Variants in C1orf21 observed in about 807,000 individuals in gnomAD.
C1orf21 encodes uncharacterized protein C1orf21.
A neutral mutation model predicts 18.7 loss-of-function variants in C1orf21; 3 were observed. The ratio of observed to expected loss-of-function variants is 0.16; its 90% CI spans 0.07 to 0.42. The LOEUF (loss-of-function observed/expected upper bound fraction) is 0.42, where lower values mean the gene tolerates loss of function less well. Among genes scored for constraint, C1orf21 ranks in the 10% least tolerant of loss-of-function variants. The probability of loss-of-function intolerance (pLI) is 0.99; values close to 1 mark genes in which losing one functional copy is unlikely to be tolerated. For synonymous variants in C1orf21, 41 were observed against 46.4 expected (o/e 0.88, Z 0.47); for missense variants, 104 against 143.6 (o/e 0.72, Z 1.41).
intron 5 of C1orf21, among the ~76,000 whole-genome samples, chr1:184,607,000 G>A (rs1659655425): frequency 6.6e-6 from 1 of 152,166 alleles, no homozygotes; most frequent in Non-Finnish European, 1.5e-5. Context: ...TTATTCTGAA[G>A]TATTATGTTA....
intron 3 of C1orf21, among the ~76,000 whole-genome samples, chr1:184,530,928 A>G (rs1658453795): frequency 6.6e-6 from 1 of 152,000 alleles, no homozygotes; most frequent in African/African-American, 2.4e-5. Flanking sequence ...GCAGGCAGAA[A>G]CATTTTGGGA....
intron 3 of C1orf21, among the ~76,000 whole-genome samples, chr1:184,528,018 T>A (rs1658403640): frequency 6.6e-6 from 1 of 152,226 alleles, no homozygotes; most frequent in Non-Finnish European, 1.5e-5. Context: ...GTTTTGATGA[T>A]TAAACAAGTT....
At chr1:184,470,973 T>C (rs1657487838) in intron 1 of C1orf21, among the ~76,000 whole-genome samples, 1 of 151,974 alleles carries the variant, frequency 6.6e-6, no homozygotes. Flanking sequence ...GCAGCATAAG[T>C]CTTCTGCATG....
chr1:184,578,426 A>G (rs1659225700), intron 3 of C1orf21, among the ~76,000 whole-genome samples: 1 of 152,234 alleles, frequency 6.6e-6, no homozygotes, highest in African/African-American at 2.4e-5. Flanking sequence ...TGGAGAAAAC[A>G]AGGTAGGGTT....
At chr1:184,462,157 A>T (rs564427980) in intron 1 of C1orf21, among the ~76,000 whole-genome samples, 1 of 152,324 alleles carries the variant, frequency 6.6e-6, no homozygotes, top group Non-Finnish European at 1.5e-5. Flanking sequence ...TGTCTTCCTC[A>T]TTCGATGGAC....
chr1:184,587,443 G>A (rs992769346), intron 3 of C1orf21, among the ~76,000 whole-genome samples: 10 of 151,028 alleles, frequency 6.6e-5, no homozygotes, highest in Admixed American at 5.9e-4. Context: ...TTCCACTTGC[G>A]TCATCTCTCA....
intron 3 of C1orf21, among the ~76,000 whole-genome samples, chr1:184,519,089 G>A (rs1385367530): frequency 6.6e-6 from 1 of 152,150 alleles, no homozygotes; most frequent in Non-Finnish European, 1.5e-5. Context: ...TGGCCAGTTT[G>A]CAGTATTTGT....
At position 184,410,652 on chromosome 1, in the gene C1orf21, TATATATATA is replaced by T. The variant is rs1332972644; in HGVS notation, c.-125+23285_-125+23293del. ...ATATATATATATATATATATATATATATATATATATATTTTTTTTTTTTTTTTTTGAGAT... is the reference window on the plus strand; with the variant it reads ...ATATATATATATATATATATATATATTATTTTTTTTTTTTTTTTTTGAGAT... On this transcript the variant is annotated intron_variant, in intron 1 of 5. Coordinates refer to ENST00000235307, the MANE Select transcript of C1orf21 (RefSeq NM_030806.4). Among the ~76,000 whole-genome samples the T allele has an allele frequency of 5.3e-3, 38 of 7,140 alleles. 8 individuals carry two copies. Among genetic ancestry groups the T allele is most frequent in the South Asian group, 0.02 (4 of 204 alleles). 4.7% of individuals were successfully genotyped at this position (7,140 alleles called of 152,430 possible).
At chr1:184,539,318 C>T (rs773596155) in intron 3 of C1orf21, among the ~76,000 whole-genome samples, 2 of 151,972 alleles carry the variant, frequency 1.3e-5, no homozygotes, top group African/African-American at 2.4e-5. Context: ...TATGTTGAAC[C>T]ATCTTGGCAT....
At chr1:184,590,084 A>T (rs1659414422) in intron 3 of C1orf21, among the ~76,000 whole-genome samples, 1 of 152,258 alleles carries the variant, frequency 6.6e-6, no homozygotes, top group South Asian at 2.1e-4. Context: ...AATGCAGAGC[A>T]GTAGTATTAT....
chr1:184,404,974 T>G (rs1394503080), intron 1 of C1orf21, among the ~76,000 whole-genome samples: 1 of 152,188 alleles, frequency 6.6e-6, no homozygotes, highest in Non-Finnish European at 1.5e-5. Flanking sequence ...CATTAAAACC[T>G]TTCTTGGCTA....
At chr1:184,470,113 CATCT>C (rs1277309795) in intron 1 of C1orf21, among the ~76,000 whole-genome samples, 1 of 151,998 alleles carries the variant, frequency 6.6e-6, no homozygotes, top group Non-Finnish European at 1.5e-5. Context: ...TCTCCCTTTC[CATCT>C]GTTTTCTCTC....
intron 3 of C1orf21, among the ~76,000 whole-genome samples, chr1:184,569,218 CT>C (rs1659076345): frequency 6.6e-6 from 1 of 152,216 alleles, no homozygotes; most frequent in South Asian, 2.1e-4. Flanking sequence ...TCTGCAGTTC[CT>C]TTTCATAGTC....
chr1:184,393,499 G>A (rs1482769316), intron 1 of C1orf21, among the ~76,000 whole-genome samples: 1 of 152,204 alleles, frequency 6.6e-6, no homozygotes, highest in Non-Finnish European at 1.5e-5. Flanking sequence ...TAGAAAAGTG[G>A]AATTAGAGCA....
rs998962057 is a variant in C1orf21 at position 184,627,094 on chromosome 1, T to G, written c.*7538T>G. ...AGATTTTTAAAAAGCACAGACAAAT[T>G]GTATGCAAGTGGAAAATACCCATAG... is the stretch of plus-strand genomic sequence containing the variant. On this transcript the variant is annotated 3_prime_UTR_variant, in exon 6 of 6. Transcript: ENST00000235307. 1 of 152,256 alleles carries G rather than the reference T, an allele frequency of 6.6e-6. No individual in the cohort carries two copies. The highest frequency in any genetic ancestry group is 1.5e-5 in the Non-Finnish European group (1 of 67,994). 9.4% of individuals were successfully genotyped at this position (152,256 alleles called of 1,614,324 possible).
At chr1:184,415,755 A>C (rs1656439640) in intron 1 of C1orf21, among the ~76,000 whole-genome samples, 1 of 152,192 alleles carries the variant, frequency 6.6e-6, no homozygotes, top group African/African-American at 2.4e-5. Context: ...TATTAGGCCT[A>C]CTTATGGCAA....
chr1:184,453,041 T>A (rs1657145297), intron 1 of C1orf21, among the ~76,000 whole-genome samples: 1 of 152,094 alleles, frequency 6.6e-6, no homozygotes. Context: ...GACATTTCCC[T>A]CCTAAACAGT....
chr1:184,593,500 G>A lies in C1orf21; in HGVS notation c.266+2685G>A, dbSNP rs1314232778. ...GGAAGGACAATCCCATACCATAAAG[G>A]CAGATCATCCTCATACCACCATGAA... On this transcript the variant is annotated intron_variant, in intron 4 of 5. Transcript: ENST00000235307. Among the ~76,000 whole-genome samples, 2 of 152,088 alleles carry A rather than the reference G, an allele frequency of 1.3e-5. 1 individual carries two copies. Among genetic ancestry groups the A allele is most frequent in the Non-Finnish European group, 2.9e-5 (2 of 68,022 alleles).
At chr1:184,462,952 G>A (rs970909485) in intron 1 of C1orf21, among the ~76,000 whole-genome samples, 1 of 151,886 alleles carries the variant, frequency 6.6e-6, no homozygotes, top group South Asian at 2.1e-4. Context: ...CGTGGTGGCA[G>A]GTGCCTGTAA....
Sources: gnomAD v4.1 joint callset for allele counts (sites outside exome capture counted in the v4.1 genomes callset) on GRCh38, gnomAD v4.1.1 for gene constraint, MANE v1.5 for transcripts, NCBI Gene and HGNC (gene_info 2026-07-23, HGNC 2026-07-21) for gene names.